The following TRDN variants were observed in gnomAD, a reference collection of about 807,000 sequenced individuals.
TRDN encodes the protein triadin in skeletal muscle.
Under a neutral mutation model 149.7 loss-of-function variants are expected in TRDN, and 161 were observed. The observed-to-expected ratio is 1.08, with a 90% CI of 0.95 to 1.23. The LOEUF is 1.23. Among genes scored for constraint, TRDN ranks in the 50% most tolerant of loss-of-function variants. TRDN has a pLI of 0.00. For synonymous variants in TRDN, 294 were observed against 250.5 expected (o/e 1.17, Z -1.64); for missense variants, 896 against 823.5 (o/e 1.09, Z -1.08).
At chr6:123,233,727 C>A (rs541977764) in intron 38 of TRDN, among the ~76,000 whole-genome samples, 2 of 152,170 alleles carry the variant, frequency 1.3e-5, no homozygotes, top group African/African-American at 4.8e-5. Flanking sequence ...AAAACAAAAT[C>A]ATCATGAATT....
At chr6:123,249,055 G>C (rs1029018753) in intron 38 of TRDN, among the ~76,000 whole-genome samples, 3 of 152,086 alleles carry the variant, frequency 2.0e-5, no homozygotes, top group Non-Finnish European at 4.4e-5. Context: ...ATGCAAGGAT[G>C]GCTCAACATG....
At chr6:123,535,708 TTTA>T (rs1201241131) in intron 4 of TRDN, among the ~76,000 whole-genome samples, 1 of 152,168 alleles carries the variant, frequency 6.6e-6, no homozygotes, top group African/African-American at 2.4e-5. Flanking sequence ...GTTATAATAA[TTTA>T]TTATGGTGTT....
chr6:123,608,363 A>G (rs1784618939), intron 1 of TRDN, among the ~76,000 whole-genome samples: 1 of 152,198 alleles, frequency 6.6e-6, no homozygotes, highest in Non-Finnish European at 1.5e-5. Context: ...ACGGTCTTCA[A>G]AAGTGTTATC....
chr6:123,450,219 A>G (rs1340504187), intron 10 of TRDN, among the ~76,000 whole-genome samples: 2 of 152,178 alleles, frequency 1.3e-5, no homozygotes, highest in African/African-American at 4.8e-5. Context: ...AATGAATGCA[A>G]TGGTGCCTCC....
intron 20 of TRDN, among the ~76,000 whole-genome samples, chr6:123,360,720 G>GGAGA (rs71541228): frequency 0.032 from 4,575 of 143,034 alleles, 69 homozygotes; most frequent in Non-Finnish European, 0.04. Flanking sequence ...AGAGAGAGAC[G>GGAGA]GAGAGAGAGA....
intron 16 of TRDN, among the ~76,000 whole-genome samples, chr6:123,379,612 A>C (rs1248890334): frequency 6.6e-6 from 1 of 152,188 alleles, no homozygotes; most frequent in Non-Finnish European, 1.5e-5. Context: ...CATAAGATTA[A>C]AAGTTAAAAT....
chr6:123,290,350 G>A (rs1040206577), intron 24 of TRDN, among the ~76,000 whole-genome samples: 4 of 151,988 alleles, frequency 2.6e-5, no homozygotes, highest in African/African-American at 9.7e-5. Flanking sequence ...TGTGATATGT[G>A]TTGTGTCTAG....
chr6:123,614,016 C>T (rs1784940840), intron 1 of TRDN, among the ~76,000 whole-genome samples: 1 of 152,058 alleles, frequency 6.6e-6, no homozygotes, highest in South Asian at 2.1e-4. Flanking sequence ...ATTTTCTAGT[C>T]ACCCTTTAAG....
rs375036007 is a variant in TRDN at position 123,508,143 on chromosome 6, G to C, written c.610+4160C>G. ...CATAATCTGCATGTCTAGAGCTCTT[G>C]GAGTTTCCCTAGAACTTATCCACAG... is the stretch of plus-strand genomic sequence containing the variant. On this transcript the variant is annotated intron_variant, in intron 7 of 40. Transcript: ENST00000334268. 2.3e-4 allele frequency among the ~76,000 whole-genome samples: 35 copies of C among 152,156 alleles called. No homozygotes were observed. In the East Asian group the frequency reaches 6.4e-3, roughly 28 times the overall value.
At chr6:123,373,809 A>T (rs562590970) in intron 19 of TRDN, among the ~76,000 whole-genome samples, 18 of 152,240 alleles carry the variant, frequency 1.2e-4, no homozygotes, top group African/African-American at 4.1e-4. Context: ...TCATATCTCA[A>T]ATGTGCAGGT....
chr6:123,242,157 G>T (rs1323352746), intron 38 of TRDN, among the ~76,000 whole-genome samples: 1 of 152,052 alleles, frequency 6.6e-6, no homozygotes, highest in Non-Finnish European at 1.5e-5. Flanking sequence ...AGCATTGTTT[G>T]CCTTTTAAGA....
chr6:123,448,388 T>C, intron 10 of TRDN, among the ~76,000 whole-genome samples: 1 of 152,106 alleles, frequency 6.6e-6, no homozygotes. Flanking sequence ...CTTGGGCTGT[T>C]GGCGGGGGAC....
chr6:123,245,279 C>T (rs1487019663), intron 38 of TRDN, among the ~76,000 whole-genome samples: 3 of 151,906 alleles, frequency 2.0e-5, no homozygotes, highest in Non-Finnish European at 4.4e-5. Context: ...CTAAATGCCC[C>T]AATTAAAAAA....
At chr6:123,600,794 A>G (rs529036827) in intron 1 of TRDN, among the ~76,000 whole-genome samples, 2 of 152,246 alleles carry the variant, frequency 1.3e-5, no homozygotes, top group East Asian at 3.9e-4. Context: ...AAGTACAGGG[A>G]TAATTCTACT....
At chr6:123,619,088 T>A (rs1284690470) in intron 1 of TRDN, among the ~76,000 whole-genome samples, 1 of 152,216 alleles carries the variant, frequency 6.6e-6, no homozygotes, top group Non-Finnish European at 1.5e-5. Context: ...TTGGGTAATG[T>A]AGTATTATGA....
chr6:123,475,032 G>A (rs978878208), intron 9 of TRDN, among the ~76,000 whole-genome samples: 4 of 151,916 alleles, frequency 2.6e-5, no homozygotes, highest in African/African-American at 9.7e-5. Flanking sequence ...TCAAAAGCTA[G>A]CAGAAGGCAA....
intron 4 of TRDN, among the ~76,000 whole-genome samples, chr6:123,545,193 A>C (rs1394703643): frequency 3.3e-5 from 5 of 152,018 alleles, no homozygotes; most frequent in Non-Finnish European, 4.4e-5. Flanking sequence ...ATGTGTAAAA[A>C]TCAAATGTTT....
At position 123,259,648 on chromosome 6, in the gene TRDN, C is replaced by A; in HGVS notation, c.1846G>T (p.Glu616Ter). The change falls in exon 35 of 41, where the codon GAA (glutamate) becomes TAA (stop). Residue 616 changes from glutamate (E) to a stop codon, truncating the protein, a stop_gained. Coordinates refer to ENST00000334268, the MANE Select transcript of TRDN (RefSeq NM_006073.4). LOFTEE classifies it high-confidence loss of function. ...EVTESGKKKT[E>*]ISEKESKEKA... The stretch of plus-strand genomic sequence containing the variant: ...CCTTTACTTTCTTTTTCAGATATTT[C>A]AGTTTTCTTCTTTCCTAGGGGAAAG... 6.8e-7 allele frequency: 1 copy of A among 1,470,154 alleles called. No individual in the cohort carries two copies. Among genetic ancestry groups the A allele is most frequent in the Non-Finnish European group, 9.2e-7 (1 of 1,086,634 alleles). The allele number at this position is 1,470,154 out of a possible 1,614,324, so 91.1% of individuals were successfully genotyped here. A position where few individuals can be genotyped will look rare whatever the true frequency, so the allele number is the denominator to read the frequency against.
chr6:123,368,552 G>C (rs539711859), intron 19 of TRDN, among the ~76,000 whole-genome samples: 2 of 152,156 alleles, frequency 1.3e-5, no homozygotes, highest in East Asian at 3.9e-4. Context: ...AGATTTCCAG[G>C]ATACTCTAAT....
Sources: gnomAD v4.1 joint callset for allele counts (sites outside exome capture counted in the v4.1 genomes callset) on GRCh38, gnomAD v4.1.1 for gene constraint, MANE v1.5 for transcripts, NCBI Gene and HGNC (gene_info 2026-07-23, HGNC 2026-07-21) for gene names.